TMEM117: variants seen among roughly 807,000 people sequenced by gnomAD.
TMEM117 encodes transmembrane protein 117.
Under a neutral mutation model 52.4 loss-of-function variants are expected in TMEM117, and 27 were observed. That is an observed-to-expected ratio of 0.51 (90% confidence interval 0.38 to 0.71). The LOEUF (loss-of-function observed/expected upper bound fraction) is 0.71. Ranked by LOEUF, TMEM117 falls within the 30% of genes least tolerant of loss-of-function variation. The pLI is 0.00. For synonymous variants in TMEM117, 215 were observed against 206.3 expected (o/e 1.04, Z -0.36); for missense variants, 556 against 630.5 (o/e 0.88, Z 1.26).
At chr12:44,131,819 T>C (rs1314752401) in intron 3 of TMEM117, among the ~76,000 whole-genome samples, 1 of 152,178 alleles carries the variant, frequency 6.6e-6, no homozygotes, top group African/African-American at 2.4e-5. Context: ...TTTTCAACCT[T>C]TATGTAGCCT....
the TMEM117 span, among the ~76,000 whole-genome samples, chr12:43,796,796 A>C: frequency 6.6e-6 from 1 of 152,120 alleles, no homozygotes; most frequent in African/African-American, 2.4e-5. Flanking sequence ...AAGTACAGAT[A>C]TATATAGAGA....
intron 2 of TMEM117, among the ~76,000 whole-genome samples, chr12:43,872,971 C>G (rs1371133596): frequency 1.3e-5 from 2 of 152,116 alleles, no homozygotes; most frequent in East Asian, 3.9e-4. Flanking sequence ...AAAGATAAGT[C>G]AGACTCTAAA....
chr12:44,037,635 C>G (rs1384515445), intron 3 of TMEM117, among the ~76,000 whole-genome samples: 1 of 152,030 alleles, frequency 6.6e-6, no homozygotes, highest in Non-Finnish European at 1.5e-5. Context: ...TTTTCTGGGC[C>G]CACCCATGGC....
chr12:44,391,659 C>A (rs558768258), downstream of TMEM117, among the ~76,000 whole-genome samples: 10 of 152,204 alleles, frequency 6.6e-5, no homozygotes, highest in South Asian at 2.1e-3. Flanking sequence ...ACCAACACAG[C>A]CCAATATGAA....
chr12:44,182,563 A>T (rs1949218149), intron 4 of TMEM117, among the ~76,000 whole-genome samples: 2 of 152,236 alleles, frequency 1.3e-5, no homozygotes, highest in African/African-American at 4.8e-5. Flanking sequence ...CAAAATAATA[A>T]GAGCTATCTG....
chr12:43,903,555 G>A (rs1248879204), intron 2 of TMEM117, among the ~76,000 whole-genome samples: 1 of 152,100 alleles, frequency 6.6e-6, no homozygotes, highest in Non-Finnish European at 1.5e-5. Context: ...ACTGAAGTTG[G>A]CAGCTTTCTT....
chr12:43,994,154 T>C (rs1945991044), intron 3 of TMEM117, among the ~76,000 whole-genome samples: 2 of 152,186 alleles, frequency 1.3e-5, no homozygotes, highest in African/African-American at 4.8e-5. Flanking sequence ...CAATGCCAAA[T>C]TTCATACTTG....
At chr12:44,379,008 A>G (rs1414682451) in intron 7 of TMEM117, among the ~76,000 whole-genome samples, 2 of 151,966 alleles carry the variant, frequency 1.3e-5, no homozygotes, top group Non-Finnish European at 2.9e-5. Context: ...AAGGGGCTGA[A>G]CGTGGTGGCT....
chr12:44,275,640 T>C (rs947761408), intron 5 of TMEM117, among the ~76,000 whole-genome samples: 12 of 152,086 alleles, frequency 7.9e-5, no homozygotes, highest in African/African-American at 2.7e-4. Context: ...ATCCTGTCGT[T>C]TGCAATGACA....
At chr12:43,967,993 T>G (rs1277028385) in intron 3 of TMEM117, among the ~76,000 whole-genome samples, 2 of 152,200 alleles carry the variant, frequency 1.3e-5, no homozygotes, top group Non-Finnish European at 2.9e-5. Flanking sequence ...GATTTTATTT[T>G]TTGCCATGTG....
intron 3 of TMEM117, among the ~76,000 whole-genome samples, chr12:44,141,813 G>C (rs550725412): frequency 1.8e-4 from 28 of 152,186 alleles, no homozygotes; most frequent in African/African-American, 6.7e-4. Flanking sequence ...CACTTTGATT[G>C]GTGAATTCAA....
intron 3 of TMEM117, among the ~76,000 whole-genome samples, chr12:43,982,112 T>C (rs989759637): frequency 6.6e-6 from 1 of 152,166 alleles, no homozygotes; most frequent in Admixed American, 6.6e-5. Flanking sequence ...AAACACTAAA[T>C]TGTACCCTGT....
chr12:43,868,940 A>AT (rs1943657706), intron 2 of TMEM117, among the ~76,000 whole-genome samples: 1 of 152,118 alleles, frequency 6.6e-6, no homozygotes, highest in Admixed American at 6.5e-5. Context: ...ATAAGACTAG[A>AT]AATTTCTAGA....
At chr12:44,043,841 G>T (rs993036701) in intron 3 of TMEM117, among the ~76,000 whole-genome samples, 2 of 152,172 alleles carry the variant, frequency 1.3e-5, no homozygotes, top group African/African-American at 4.8e-5. Context: ...GGATATTAAG[G>T]GTTTGGAATA....
chr12:43,800,461 T>C, the TMEM117 span: 2 of 1,613,512 alleles, frequency 1.2e-6, no homozygotes, highest in East Asian at 4.5e-5. Flanking sequence ...ACTTCATCTT[T>C]AATGTGGCCA....
At chr12:43,833,338 T>C (rs1038247927), upstream of TMEM117, among the ~76,000 whole-genome samples, 1 of 152,230 alleles carries the variant, frequency 6.6e-6, no homozygotes, top group Non-Finnish European at 1.5e-5. Context: ...TTGAGTTCTA[T>C]TTCTTAAGGA....
At chr12:44,121,798 A>G (rs892053081) in intron 3 of TMEM117, among the ~76,000 whole-genome samples, 2 of 152,050 alleles carry the variant, frequency 1.3e-5, no homozygotes, top group African/African-American at 4.8e-5. Flanking sequence ...AGGTTATTTT[A>G]TCACCCAGGT....
the TMEM117 span, among the ~76,000 whole-genome samples, chr12:44,396,864 A>G: frequency 6.6e-6 from 1 of 151,064 alleles, no homozygotes; most frequent in Non-Finnish European, 1.5e-5. Flanking sequence ...AAAAAAAAAA[A>G]GAAAGAAAAG....
intron 3 of TMEM117, among the ~76,000 whole-genome samples, chr12:44,032,485 A>G (rs1432828693): frequency 6.6e-6 from 1 of 152,192 alleles, no homozygotes; most frequent in Non-Finnish European, 1.5e-5. Context: ...CAGTATTCTA[A>G]TCGTGGCCAC....
Sources: allele counts gnomAD v4.1 joint callset (sites outside exome capture counted in the v4.1 genomes callset), GRCh38; gene constraint gnomAD v4.1.1; transcripts MANE v1.5; gene names NCBI Gene and HGNC (gene_info 2026-07-23, HGNC 2026-07-21).